Variants in CACHD1 observed in about 807,000 individuals in gnomAD.
CACHD1 encodes the protein VWFA and cache domain-containing protein 1.
Under a neutral mutation model 138.7 loss-of-function variants are expected in CACHD1, and 71 were observed. The ratio of observed to expected loss-of-function variants is 0.51; its 90% CI spans 0.42 to 0.62. The LOEUF is 0.62. Ranked by LOEUF, CACHD1 falls within the 20% of genes least tolerant of loss-of-function variation. The pLI is 0.00. For missense variants in CACHD1, 1,389 were observed against 1,625.3 expected, an observed-to-expected ratio of 0.85 and a Z score of 2.50; for synonymous variants, 578 against 591.5, an observed-to-expected ratio of 0.98 and a Z score of 0.33.
chr1:64,582,442 A>G, intron 3 of CACHD1, 138 bp downstream of exon 3: 4 of 733,498 alleles, frequency 5.5e-6, no homozygotes, highest in South Asian at 4.9e-5. Context: ...TAAGCCCTTT[A>G]TCTTTAGATA....
At chr1:64,654,611 G>C (rs951528301) in intron 11 of CACHD1, 75 bp from the exon 12 acceptor site, 1 of 1,078,456 alleles carries the variant, frequency 9.3e-7, no homozygotes, top group Admixed American at 1.8e-5. Context: ...TGACTCAACA[G>C]CTTCTTCCTT....
At position 64,470,789 on chromosome 1, in the gene CACHD1, G is replaced by T. The variant is rs1646138542; in HGVS notation, c.45G>T (p.Ala15=). The T allele has an allele frequency of 3.6e-6, 4 of 1,105,594 alleles. No individual in the cohort carries two copies. In the South Asian group the frequency reaches 5.6e-5, roughly 15 times the overall value. The allele number at this position is 1,105,594 out of a possible 1,614,324, so 68.5% of individuals were successfully genotyped here. A position where few individuals can be genotyped will look rare whatever the true frequency, so the allele number is the denominator to read the frequency against. ...AAGAGGAGACGGCCGTGGCCCGGGC[G>T]CGGCGGCCGCCCCTCTGGCTGCTCT... ...PEEEETAVAR[A]RRPPLWLLCL... The change falls in exon 1 of 27, where the codon GCG becomes GCT. Residue 15 remains alanine (A), a synonymous_variant. Coordinates refer to ENST00000651257, the MANE Select transcript of CACHD1 (RefSeq NM_020925.4). This position sits in a 1 kb window ranked among gnomAD's most constrained non-coding sequence, Gnocchi z 5.2.
intron 2 of CACHD1, chr1:64,563,994 T>G (rs1646861963): frequency 6.6e-6 from 1 of 152,188 alleles, no homozygotes; most frequent in Non-Finnish European, 1.5e-5. Context: ...AATGTCAATA[T>G]AAGGATACCA....
intron 4 of CACHD1, among the ~76,000 whole-genome samples, chr1:64,604,248 A>G (rs1427216151): frequency 1.3e-5 from 2 of 152,210 alleles, no homozygotes; most frequent in East Asian, 1.9e-4. Context: ...AAATGATCCA[A>G]CCTAAATCTG....
At chr1:64,629,598 G>A in intron 5 of CACHD1, 117 bp downstream of exon 5, 1 of 1,233,498 alleles carries the variant, frequency 8.1e-7, no homozygotes, top group Non-Finnish European at 1.1e-6. Flanking sequence ...TCAGAAATTT[G>A]TACTTGTTCT....
chr1:64,481,771 T>C (rs914298836), intron 1 of CACHD1, among the ~76,000 whole-genome samples: 1 of 152,222 alleles, frequency 6.6e-6, no homozygotes, highest in African/African-American at 2.4e-5. Flanking sequence ...CTTTTCTTGC[T>C]TTCTTTTAAA....
intron 4 of CACHD1, among the ~76,000 whole-genome samples, chr1:64,614,715 T>C (rs1647650061): frequency 6.6e-6 from 1 of 152,220 alleles, no homozygotes; most frequent in South Asian, 2.1e-4. Context: ...ATAGGTCTCA[T>C]TGTCCTCTAT....
intron 1 of CACHD1, among the ~76,000 whole-genome samples, chr1:64,531,842 C>A (rs1383545926): frequency 6.6e-6 from 1 of 152,108 alleles, no homozygotes; most frequent in Non-Finnish European, 1.5e-5. Context: ...CAGTTTAATG[C>A]CAGACTCATT....
chr1:64,631,250 A>G (rs1414017991), intron 5 of CACHD1, among the ~76,000 whole-genome samples: 1 of 152,246 alleles, frequency 6.6e-6, no homozygotes, highest in East Asian at 1.9e-4. Context: ...CCACCCATCT[A>G]GCTTGGAGAA....
At chr1:64,527,107 A>T (rs1486514388) in intron 1 of CACHD1, among the ~76,000 whole-genome samples, 4 of 152,174 alleles carry the variant, frequency 2.6e-5, no homozygotes, top group Non-Finnish European at 5.9e-5. Flanking sequence ...CATCTGGTAA[A>T]ATTGTCCAGA....
At chr1:64,564,263 A>G (rs1646863903) in intron 2 of CACHD1, among the ~76,000 whole-genome samples, 1 of 152,166 alleles carries the variant, frequency 6.6e-6, no homozygotes. Flanking sequence ...TGCCCAGACT[A>G]TCACCTCTTC....
At chr1:64,497,090 C>T (rs1163810360) in intron 1 of CACHD1, among the ~76,000 whole-genome samples, 1 of 151,816 alleles carries the variant, frequency 6.6e-6, no homozygotes, top group Admixed American at 6.6e-5. Context: ...AGGAATTAGC[C>T]CATTGGCTAC....
At position 64,480,886 on chromosome 1, in the gene CACHD1, CT is replaced by C. The variant is rs530847374; in HGVS notation, c.198+9957del. Among the ~76,000 whole-genome samples, 726 of 140,214 alleles carry C rather than the reference CT, an allele frequency of 5.2e-3. 2 individuals carry two copies. Among genetic ancestry groups the C allele is most frequent in the Middle Eastern group, 7.4e-3 (2 of 270 alleles). 92.0% of individuals were successfully genotyped at this position (140,214 alleles called of 152,430 possible). A position where few individuals can be genotyped will look rare whatever the true frequency, so the allele number is the denominator to read the frequency against. On this transcript the variant is annotated intron_variant, in intron 1 of 26. Transcript: ENST00000651257. ...AAGTTGTTTCTTTCTCTCTCTCTCC[CT>C]TTTTTTTTTTTTGGGTGAAAATTGC...
intron 1 of CACHD1, among the ~76,000 whole-genome samples, chr1:64,520,732 C>G (rs1307165312): frequency 1.3e-5 from 2 of 152,204 alleles, no homozygotes; most frequent in Non-Finnish European, 2.9e-5. Flanking sequence ...ATACTCGGAA[C>G]CATGTCTTGT....
chr1:64,643,687 A>T (rs1051161162), intron 8 of CACHD1, among the ~76,000 whole-genome samples: 2 of 152,130 alleles, frequency 1.3e-5, no homozygotes, highest in African/African-American at 2.4e-5. Context: ...ATACAAAAAA[A>T]ATTAGCCAGG....
At chr1:64,559,621 C>G (rs1294869757) in intron 2 of CACHD1, among the ~76,000 whole-genome samples, 1 of 152,002 alleles carries the variant, frequency 6.6e-6, no homozygotes, top group Non-Finnish European at 1.5e-5. Context: ...TATGAACAAA[C>G]CTTCACATGT....
intron 4 of CACHD1, among the ~76,000 whole-genome samples, chr1:64,606,037 C>A (rs978792883): frequency 6.6e-6 from 1 of 151,798 alleles, no homozygotes; most frequent in African/African-American, 2.4e-5. Flanking sequence ...AACTAGAAGT[C>A]ATTTGACAAA....
chr1:64,539,051 C>T (rs112166417), intron 1 of CACHD1, among the ~76,000 whole-genome samples: 31 of 152,254 alleles, frequency 2.0e-4, no homozygotes, highest in African/African-American at 7.2e-4. Flanking sequence ...AGGTAAGACA[C>T]ATGGGAAACT....
intron 1 of CACHD1, 117 bp from the exon 2 acceptor site, chr1:64,550,477 T>G (rs1472321765): frequency 5.8e-6 from 4 of 695,270 alleles, no homozygotes; most frequent in African/African-American, 5.5e-5. Context: ...TTACTGCATT[T>G]TAATTAAATT....
Sources: allele counts gnomAD v4.1 joint callset (sites outside exome capture counted in the v4.1 genomes callset), GRCh38; gene constraint gnomAD v4.1.1; non-coding constraint Gnocchi (gnomAD v3.1); transcripts MANE v1.5; gene names NCBI Gene and HGNC (gene_info 2026-07-23, HGNC 2026-07-21).